ZC3H12B: variants seen among roughly 807,000 people sequenced by gnomAD.
ZC3H12B encodes the protein probable ribonuclease ZC3H12B.
ZC3H12B carries 7 observed loss-of-function variants against 43.9 expected under a neutral mutation model. That is an observed-to-expected ratio of 0.16 (90% CI 0.09 to 0.30). The LOEUF (loss-of-function observed/expected upper bound fraction) is 0.30, where lower values mean the gene tolerates loss of function less well. Ranked by LOEUF, ZC3H12B falls within the 10% of genes least tolerant of loss-of-function variation. ZC3H12B has a pLI of 1.00. For missense variants in ZC3H12B, 475 were observed against 670.2 expected (o/e 0.71, Z 3.22); for synonymous variants, 222 against 241.7 (o/e 0.92, Z 0.76).
chrX:65,387,127 T>C (rs1004356597), intron 2 of ZC3H12B, among the ~76,000 whole-genome samples: 11 of 111,890 alleles, frequency 9.8e-5, no homozygotes, highest in African/African-American at 3.6e-4. Context: ...ATTCTGTTGA[T>C]TTGGGGTGGA....
At chrX:65,313,790 A>G in the ZC3H12B span, among the ~76,000 whole-genome samples, 1 of 112,100 alleles carries the variant, frequency 8.9e-6, no homozygotes, top group Admixed American at 9.5e-5. Flanking sequence ...AGAAAGAACC[A>G]GTAAAATTTG....
At chrX:65,248,396 G>T in the ZC3H12B span, among the ~76,000 whole-genome samples, 3 of 111,479 alleles carry the variant, frequency 2.7e-5, no homozygotes, top group Non-Finnish European at 5.6e-5. Context: ...GACGTTTCAG[G>T]CTAAAATACT....
intron 2 of ZC3H12B, among the ~76,000 whole-genome samples, chrX:65,374,955 G>A (rs2066324797): frequency 9.0e-6 from 1 of 111,301 alleles, no homozygotes; most frequent in Non-Finnish European, 1.9e-5. Context: ...ATGACACATG[G>A]GGAGTATGGG....
chrX:65,395,746 G>A (rs2066688221), intron 2 of ZC3H12B, among the ~76,000 whole-genome samples: 1 of 111,768 alleles, frequency 8.9e-6, no homozygotes, highest in African/African-American at 3.2e-5. Flanking sequence ...ATTTGGAATA[G>A]TTTCAGAAGA....
intron 3 of ZC3H12B, among the ~76,000 whole-genome samples, chrX:65,441,010 G>T (rs1352845593): frequency 8.9e-6 from 1 of 112,069 alleles, no homozygotes; most frequent in African/African-American, 3.2e-5. Context: ...CCTAACCTTT[G>T]GCAGGAACTT....
the ZC3H12B span, among the ~76,000 whole-genome samples, chrX:65,115,641 C>T: frequency 1.8e-5 from 2 of 111,589 alleles, no homozygotes; most frequent in South Asian, 7.3e-4. Context: ...CACTGTTTTC[C>T]GTAGTGGTTC....
At chrX:65,389,879 G>T (rs929944068) in intron 2 of ZC3H12B, among the ~76,000 whole-genome samples, 1 of 112,104 alleles carries the variant, frequency 8.9e-6, no homozygotes, top group African/African-American at 3.2e-5. Flanking sequence ...ACTAGAAATA[G>T]CATTTGACCC....
At chrX:65,265,852 A>T in the ZC3H12B span, among the ~76,000 whole-genome samples, 67 of 111,875 alleles carry the variant, frequency 6.0e-4, no homozygotes, top group African/African-American at 1.9e-3. Context: ...GTTATCAGAT[A>T]TTGGACAACC....
intron 2 of ZC3H12B, among the ~76,000 whole-genome samples, chrX:65,379,300 C>G (rs2066399881): frequency 8.9e-6 from 1 of 111,921 alleles, no homozygotes. Flanking sequence ...TCCCTGACCT[C>G]TGACCCCCAT....
the ZC3H12B span, among the ~76,000 whole-genome samples, chrX:65,214,493 T>G: frequency 9.0e-6 from 1 of 111,689 alleles, no homozygotes; most frequent in African/African-American, 3.3e-5. Flanking sequence ...CTTCAAAAAC[T>G]TCTTCATTTT....
the ZC3H12B span, among the ~76,000 whole-genome samples, chrX:65,316,714 G>A: frequency 8.9e-6 from 1 of 111,817 alleles, no homozygotes; most frequent in East Asian, 2.8e-4. Flanking sequence ...ATAGACCATT[G>A]ATGCTATAAA....
At chrX:65,137,131 T>C in the ZC3H12B span, among the ~76,000 whole-genome samples, 5 of 112,250 alleles carry the variant, frequency 4.5e-5, no homozygotes, top group Non-Finnish European at 9.4e-5. Flanking sequence ...AATTATACCT[T>C]CTACTAATAT....
chrX:65,230,962 A>T, the ZC3H12B span, among the ~76,000 whole-genome samples: 1 of 112,288 alleles, frequency 8.9e-6, no homozygotes, highest in Non-Finnish European at 1.9e-5. Context: ...CCTATTTGAG[A>T]TAATAACTTT....
chrX:65,038,450 T>A, the ZC3H12B span, among the ~76,000 whole-genome samples: 2 of 111,529 alleles, frequency 1.8e-5, no homozygotes, highest in African/African-American at 3.3e-5. Flanking sequence ...ATAGCTATGA[T>A]TATTGCTGGA....
chrX:65,203,607 C>A, the ZC3H12B span, among the ~76,000 whole-genome samples: 4 of 109,531 alleles, frequency 3.7e-5, no homozygotes, highest in Non-Finnish European at 5.7e-5. Context: ...ATCCAAGTTG[C>A]AAGACAAAGT....
the ZC3H12B span, among the ~76,000 whole-genome samples, chrX:65,254,792 A>G: frequency 1.8e-5 from 2 of 111,607 alleles, no homozygotes; most frequent in African/African-American, 6.5e-5. Context: ...GTCAAAACCA[A>G]ATCCAGGAAT....
At chrX:65,490,913 C>T (rs1206016252) in intron 1 of ZC3H12B, among the ~76,000 whole-genome samples, 1 of 110,803 alleles carries the variant, frequency 9.0e-6, no homozygotes, top group Non-Finnish European at 1.9e-5. Flanking sequence ...TTGGGTGCTC[C>T]CACAGAGACA....
the ZC3H12B span, among the ~76,000 whole-genome samples, chrX:65,342,388 A>G: frequency 8.9e-6 from 1 of 112,022 alleles, no homozygotes; most frequent in Non-Finnish European, 1.9e-5. Flanking sequence ...CACATACTCT[A>G]AAATCGACCA....
At chrX:65,052,924 C>T in the ZC3H12B span, among the ~76,000 whole-genome samples, 1 of 111,861 alleles carries the variant, frequency 8.9e-6, no homozygotes, top group Admixed American at 9.5e-5. Context: ...CTTTTCTCTA[C>T]ATCCTCACCA....
Sources: allele counts gnomAD v4.1 joint callset (sites outside exome capture counted in the v4.1 genomes callset), GRCh38; gene constraint gnomAD v4.1.1; transcripts MANE v1.5; gene names NCBI Gene and HGNC (gene_info 2026-07-23, HGNC 2026-07-21).